Variants in JAG2 observed in about 807,000 individuals in gnomAD.
JAG2 encodes the protein protein jagged-2.
Under a neutral mutation model 141.7 loss-of-function variants are expected in JAG2, and 46 were observed. That is an observed-to-expected ratio of 0.32 (90% CI 0.26 to 0.42). JAG2 has a LOEUF of 0.42. Ranked by LOEUF, JAG2 falls within the 10% of genes least tolerant of loss-of-function variation. The pLI is 1.00. For synonymous variants in JAG2, 862 were observed against 763.5 expected (o/e 1.13, Z -2.13); for missense variants, 1,500 against 1,817.5 (o/e 0.83, Z 3.18).
chr14:105,148,640 C>T, intron 15 of JAG2, 105 bp downstream of exon 15: 2 of 1,119,454 alleles, frequency 1.8e-6, no homozygotes, highest in South Asian at 2.8e-5. Flanking sequence ...CCAGGCCTTT[C>T]TGGGTACGGG....
At chr14:105,153,221 G>A (rs1888487475) in intron 5 of JAG2, among the ~76,000 whole-genome samples, 1 of 152,196 alleles carries the variant, frequency 6.6e-6, no homozygotes, top group Non-Finnish European at 1.5e-5. Flanking sequence ...CCCTTCCTGA[G>A]CCGCCCTCAA....
In JAG2 at chr14:105,142,600, TAAAG is replaced by T. The variant is rs777783267; in HGVS notation, c.*91_*94del. The stretch of plus-strand genomic sequence containing the variant: ...TTTTTGGTGGTTTTTTTACACAAAA[TAAAG>T]AAACTATGCACATGGCCTCGGCCTC... On this transcript the variant is annotated 3_prime_UTR_variant, in exon 26 of 26. Coordinates refer to ENST00000331782, the MANE Select transcript of JAG2 (RefSeq NM_002226.5). 8.4e-4 allele frequency: 749 copies of T among 892,428 alleles called. 1 individual carries two copies. Among genetic ancestry groups the T allele is most frequent in the South Asian group, 4.6e-4 (29 of 63,252 alleles). The allele number at this position is 892,428 out of a possible 1,614,324, so 55.3% of individuals were successfully genotyped here. A position where few individuals can be genotyped will look rare whatever the true frequency, so the allele number is the denominator to read the frequency against.
intron 13 of JAG2, 40 bp from the exon 14 acceptor site, chr14:105,149,129 G>GGCCCCCCCCCCC: frequency 3.2e-6 from 5 of 1,551,890 alleles, no homozygotes; most frequent in Non-Finnish European, 3.5e-6. Flanking sequence ...GCCCGCCCCT[G>GGCCCCCCCCCCC]CCCCACCACC....
At position 105,157,737 on chromosome 14, in the gene JAG2, G is replaced by A. The variant is rs587726712; in HGVS notation, c.444C>T (p.Ala148=). The A allele has an allele frequency of 3.2e-6, 5 of 1,576,074 alleles. No homozygotes were observed. The South Asian group carries it at 4.7e-5, about 15-fold the overall frequency. The change falls in exon 3 of 26, where the codon GCC becomes GCT. Residue 148 remains alanine, a synonymous_variant. Transcript: ENST00000331782. ...GGGTGGTATCGTTGTCCCAGTCCCA[G>A]GCCTCCACGATGAGGGTAAAGGAGC... ...WPRSFTLIVE[A]WDWDNDTTPN...
chr14:105,151,164 G>C, intron 9 of JAG2, 60 bp from the exon 10 acceptor site: 1 of 1,535,170 alleles, frequency 6.5e-7, no homozygotes, highest in Non-Finnish European at 8.9e-7. Context: ...CCTGCAGCAC[G>C]GGCACCTGGC....
chr14:105,155,579 G>A lies in JAG2; in HGVS notation c.771C>T (p.Thr257=), dbSNP rs753858894. ...QGCNLLHGGC[T]VPGECRCSYG... ...ACACTCACCTGCACTCCCCAGGCAC[G>A]GTGCATCCCCCGTGGAGCAAATTAC... Residue 257 remains threonine (T), a synonymous_variant, in exon 5 of 26, where the codon ACC becomes ACT. Transcript: ENST00000331782. The A allele has an allele frequency of 2.1e-5, 34 of 1,612,760 alleles. No individual in the cohort carries two copies. The highest frequency in any genetic ancestry group is 8.9e-5 in the East Asian group (4 of 44,886).
intron 2 of JAG2, among the ~76,000 whole-genome samples, chr14:105,160,517 A>G (rs1595187254): frequency 6.6e-6 from 1 of 151,714 alleles, no homozygotes; most frequent in Non-Finnish European, 1.5e-5. Context: ...ACGGCAACCT[A>G]TAGCCAGCGG....
At chr14:105,146,958 C>T in intron 20 of JAG2, 1 of 633,128 alleles carries the variant, frequency 1.6e-6, no homozygotes, top group Non-Finnish European at 2.9e-6. Flanking sequence ...CTGTCCCATC[C>T]TGGATTAGCC....
chr14:105,150,488 G>T, intron 12 of JAG2, 116 bp downstream of exon 12: 1 of 1,104,648 alleles, frequency 9.1e-7, no homozygotes, highest in Non-Finnish European at 1.3e-6. Flanking sequence ...GGGACGCCTT[G>T]GGGACAACTT....
intron 5 of JAG2, 87 bp from the exon 6 acceptor site, chr14:105,152,378 C>T: frequency 6.7e-7 from 1 of 1,496,070 alleles, no homozygotes; most frequent in South Asian, 1.2e-5. Context: ...ACCCACGCCA[C>T]ACCCAGGGCC....
intron 2 of JAG2, among the ~76,000 whole-genome samples, chr14:105,164,251 C>T (rs1454994572): frequency 6.6e-6 from 1 of 152,186 alleles, no homozygotes; most frequent in Admixed American, 6.5e-5. Flanking sequence ...GTTGCCTGGG[C>T]ACTGAATGCC....
chr14:105,161,096 G>C (rs1182176095), intron 2 of JAG2, among the ~76,000 whole-genome samples: 1 of 151,466 alleles, frequency 6.6e-6, no homozygotes, highest in African/African-American at 2.4e-5. Flanking sequence ...AGTGAGGTCT[G>C]TTCGGGTGTT....
rs369469630 is a variant in JAG2, at chr14:105,146,496, G to C, written c.2598C>G (p.Ile866Met). Residue 866 changes from isoleucine to methionine, a missense_variant, in exon 22 of 26, where the codon ATC (isoleucine) becomes ATG (methionine). Physicochemically the swap from Ile to Met is conservative, Grantham distance 10. Coordinates refer to ENST00000331782, the MANE Select transcript of JAG2 (RefSeq NM_002226.5). ...GGGACCAGCAGGATCTCCCGAACCC[G>C]ATCACTGTGGGGAGAAGGGGCTCGA... Reference protein sequence around the residue: ...GRAGPRCQEVIGFGRSCWSRG... With the variant: ...GRAGPRCQEVMGFGRSCWSRG... 18 of 1,612,606 alleles carry C rather than the reference G, an allele frequency of 1.1e-5. No individual in the cohort carries two copies. The highest frequency in any genetic ancestry group is 1.4e-5 in the Non-Finnish European group (17 of 1,179,778).
Position 105,167,955 on chromosome 14 carries a change from C to G in JAG2, c.219G>C (p.Val73=), listed in dbSNP as rs747757997. 6.2e-7 allele frequency: 1 copy of G among 1,604,632 alleles called. No homozygotes were observed. The change falls in exon 2 of 26, where the codon GTG becomes GTC. Residue 73 remains valine (V), a synonymous_variant. Coordinates refer to ENST00000331782, the MANE Select transcript of JAG2 (RefSeq NM_002226.5). This position sits in a 1 kb window ranked among gnomAD's most constrained non-coding sequence, Gnocchi z 4.8. ...CCTTGGCCTGGTACTCCTTAAGGCA[C>G]ACGCGCACGTACGTGTCGCACTCGT... ...GHDECDTYVR[V]CLKEYQAKVT...
chr14:105,149,247 T>C lies in JAG2; in HGVS notation c.1676A>G (p.Tyr559Cys), dbSNP rs1566762234. 1 of 1,612,244 alleles carries C rather than the reference T, an allele frequency of 6.2e-7. No individual in the cohort carries two copies. Among genetic ancestry groups the C allele is most frequent in the Non-Finnish European group, 8.5e-7 (1 of 1,179,918 alleles). ...ARCYNLEGDY[Y>C]CACPDDFGGK... is the part of the protein sequence containing the mutation. ...ACCAAAGTCATCAGGGCAGGCGCAG[T>C]AATAGTCACCCTCCAGGTTATAGCA... Residue 559 changes from tyrosine (Y) to cysteine (C), a missense_variant, in exon 13 of 26, where the codon TAC becomes TGC. Physicochemically the swap from Tyr to Cys is radical, Grantham distance 194. Transcript: ENST00000331782.
At chr14:105,168,302 G>A (rs1020530541) in intron 1 of JAG2, 53 bp downstream of exon 1, 3 of 701,488 alleles carry the variant, frequency 4.3e-6, no homozygotes, top group Non-Finnish European at 5.3e-6. Flanking sequence ...GCCCCTAGGG[G>A]CGGCCCGGTG....
In JAG2 at chr14:105,148,241, T is replaced by A; in HGVS notation, c.2135-12A>T. On this transcript the variant is annotated splice_polypyrimidine_tract_variant and intron_variant, in intron 16 of 25. Coordinates refer to ENST00000331782, the MANE Select transcript of JAG2 (RefSeq NM_002226.5). The stretch of plus-strand genomic sequence containing the variant: ...GCACTGGAACTCGCCTGTTGGCACA[T>A]GGGCCGCTCAGCAGGCAGGCCCCAG... 2.6e-6 allele frequency: 4 copies of A among 1,565,694 alleles called. No homozygotes were observed. Among genetic ancestry groups the A allele is most frequent in the Non-Finnish European group, 3.5e-6 (4 of 1,155,484 alleles).
rs1888617343 is a variant in JAG2 at position 105,157,560 on chromosome 14, T to C, written c.475+146A>G. On this transcript the variant is annotated intron_variant, in intron 3 of 25. Coordinates refer to ENST00000331782, the MANE Select transcript of JAG2 (RefSeq NM_002226.5). Reference sequence around the variant, plus strand: ...TGCAAGTCCCAAACGTGGCAGAGCTTCCTGGCAGCCAAAGCAAAAAGGGAA... The same window carrying C: ...TGCAAGTCCCAAACGTGGCAGAGCTCCCTGGCAGCCAAAGCAAAAAGGGAA... The C allele has an allele frequency of 4.9e-6, 4 of 813,052 alleles. No individual in the cohort carries two copies. The Admixed American group carries it at 6.0e-5, about 12-fold the overall frequency. 50.4% of individuals were successfully genotyped at this position (813,052 alleles called of 1,614,324 possible).
rs370137728 is a variant in JAG2 at position 105,145,091 on chromosome 14, G to A, written c.2953-30C>T. 4.2e-5 allele frequency: 68 copies of A among 1,607,578 alleles called. 1 individual carries two copies. The East Asian group carries it at 1.4e-3, about 34-fold the overall frequency. On this transcript the variant is annotated intron_variant, in intron 23 of 25. Coordinates refer to ENST00000331782, the MANE Select transcript of JAG2 (RefSeq NM_002226.5). The stretch of plus-strand genomic sequence containing the variant: ...GCAGAGACAGGCAGTGCGTGGGCAG[G>A]GCAGGGCCGTGAACCTGACACCTAC...
Sources: gnomAD v4.1 joint callset for allele counts (sites outside exome capture counted in the v4.1 genomes callset) on GRCh38, gnomAD v4.1.1 for gene constraint, Gnocchi (gnomAD v3.1) non-coding constraint, MANE v1.5 for transcripts, NCBI Gene and HGNC (gene_info 2026-07-23, HGNC 2026-07-21) for gene names.